Variants in ZFHX4 observed in about 807,000 individuals in gnomAD.
ZFHX4 encodes the protein zinc finger homeobox protein 4.
ZFHX4 carries 56 observed loss-of-function variants against 267.6 expected under a neutral mutation model. That is an observed-to-expected ratio of 0.21 (90% CI 0.17 to 0.26). The LOEUF (loss-of-function observed/expected upper bound fraction) is 0.26. Among genes scored for constraint, ZFHX4 ranks in the 10% least tolerant of loss-of-function variants. ZFHX4 has a pLI of 1.00. For synonymous variants in ZFHX4, 1,778 were observed against 1,665.6 expected (o/e 1.07, Z -1.64); for missense variants, 4,332 against 4,420.0 (o/e 0.98, Z 0.56).
intron 3 of ZFHX4, among the ~76,000 whole-genome samples, chr8:76,725,812 C>T (rs1808836833): frequency 6.6e-6 from 1 of 152,106 alleles, no homozygotes; most frequent in African/African-American, 2.4e-5. Context: ...ACAAATATAT[C>T]ATCCTCCTGT....
intron 10 of ZFHX4, among the ~76,000 whole-genome samples, chr8:76,858,726 C>A (rs1458280059): frequency 6.6e-6 from 1 of 152,162 alleles, no homozygotes; most frequent in Non-Finnish European, 1.5e-5. Flanking sequence ...CAATTATCTT[C>A]TTTGCTTAAT....
Position 76,855,633 on chromosome 8 carries a change from A to G in ZFHX4, c.8712A>G (p.Ile2904Met), listed in dbSNP as rs775264612. The change falls in exon 10 of 11, where the codon ATA becomes ATG. Residue 2904 changes from isoleucine (I) to methionine (M), a missense_variant. Around this residue, in one of 7 missense-constraint regions of ZFHX4, gnomAD observed 1,648 missense variants for 1,625.0 expected, o/e 1.01. Transcript: ENST00000651372. Reference sequence around the variant, plus strand: ...CCGACCGCAGCGAAACGTCCAGCATAGCGGACCCGAGCTCCCCAAATCCAT... The same window carrying G: ...CCGACCGCAGCGAAACGTCCAGCATGGCGGACCCGAGCTCCCCAAATCCAT... ...DNADRSETSS[I>M]ADPSSPNPFG... 18 of 1,613,778 alleles carry G rather than the reference A, an allele frequency of 1.1e-5. No homozygotes were observed. Among genetic ancestry groups the G allele is most frequent in the East Asian group, 1.1e-4 (5 of 44,854 alleles).
At chr8:76,831,920 G>A (rs1811942670) in intron 4 of ZFHX4, among the ~76,000 whole-genome samples, 1 of 151,088 alleles carries the variant, frequency 6.6e-6, no homozygotes, top group Non-Finnish European at 1.5e-5. Context: ...TGATTTATTT[G>A]GAAGCTACTT....
At chr8:76,685,725 T>C (rs749771129) in intron 1 of ZFHX4, among the ~76,000 whole-genome samples, 1 of 152,186 alleles carries the variant, frequency 6.6e-6, no homozygotes, top group Non-Finnish European at 1.5e-5. Flanking sequence ...GTGAAAGTAT[T>C]GGGGCAGAGG....
At chr8:76,821,129 C>T (rs1811637932) in intron 4 of ZFHX4, among the ~76,000 whole-genome samples, 1 of 152,120 alleles carries the variant, frequency 6.6e-6, no homozygotes, top group Admixed American at 6.6e-5. Flanking sequence ...ACATCTACAC[C>T]TAGGTCCATC....
At chr8:76,754,447 C>T (rs1162532820) in intron 3 of ZFHX4, among the ~76,000 whole-genome samples, 1 of 152,012 alleles carries the variant, frequency 6.6e-6, no homozygotes, top group Non-Finnish European at 1.5e-5. Context: ...CCAGATTGCG[C>T]CACTGCACTC....
intron 4 of ZFHX4, among the ~76,000 whole-genome samples, chr8:76,820,533 G>A (rs1811621655): frequency 6.6e-6 from 1 of 152,154 alleles, no homozygotes; most frequent in African/African-American, 2.4e-5. Flanking sequence ...AATTTAATGG[G>A]TGTGTGGAAA....
chr8:76,855,333 A>T lies in ZFHX4; in HGVS notation c.8412A>T (p.Ser2804=), dbSNP rs753127565. The T allele has an allele frequency of 1.9e-6, 3 of 1,613,660 alleles. No individual in the cohort carries two copies. The African/African-American group carries it at 4.0e-5, about 22-fold the overall frequency. The change falls in exon 10 of 11, where the codon TCA becomes TCT. Residue 2804 remains serine (S), a synonymous_variant. Transcript: ENST00000651372. Reference sequence around the variant, plus strand: ...ATAAAACCGATTTTGATGAGACTTCATCGATTAATACGGCAATCAGTGACG... The same window carrying T: ...ATAAAACCGATTTTGATGAGACTTCTTCGATTAATACGGCAATCAGTGACG... ...DQNKTDFDET[S]SINTAISDAT... is the part of the protein sequence containing the mutation.
Position 76,855,094 on chromosome 8 carries a change from C to A in ZFHX4, c.8173C>A (p.Gln2725Lys), listed in dbSNP as rs1434411524. The A allele has an allele frequency of 1.9e-6, 3 of 1,613,838 alleles. No individual in the cohort carries two copies. The highest frequency in any genetic ancestry group is 1.7e-6 in the Non-Finnish European group (2 of 1,179,818). ...CACCGAAGATGGGGGAGAAAGCCCA[C>A]AGAAATACATCTATTTTGATTACCC... ...ISTEDGGESP[Q>K]KYIYFDYPSL... The change falls in exon 10 of 11, where the codon CAG becomes AAG. Residue 2725 changes from glutamine (Q) to lysine (K), a missense_variant. By Grantham distance (53) the Gln-to-Lys change is moderately conservative (BLOSUM62 1). Coordinates refer to ENST00000651372, the MANE Select transcript of ZFHX4 (RefSeq NM_024721.5).
chr8:76,850,971 G>A lies in ZFHX4; in HGVS notation c.4050G>A (p.Pro1350=), dbSNP rs749725605. ...AAGTAAAGAATGAGGAGCAGAAACC[G>A]ACTAAAGAACCCTTGGAAGTCTCAG... ...NVEVKNEEQK[P]TKEPLEVSEW... is the part of the protein sequence containing the mutation. Residue 1350 remains proline (P), a synonymous_variant, in exon 10 of 11, where the codon CCG becomes CCA. Coordinates refer to ENST00000651372, the MANE Select transcript of ZFHX4 (RefSeq NM_024721.5). 34 of 1,613,566 alleles carry A rather than the reference G, an allele frequency of 2.1e-5. No individual in the cohort carries two copies. The East Asian group carries it at 3.6e-4, about 17-fold the overall frequency.
chr8:76,850,434 A>T (rs1812484388), intron 9 of ZFHX4, 72 bp downstream of exon 9: 4 of 1,212,152 alleles, frequency 3.3e-6, no homozygotes, highest in Middle Eastern at 2.0e-4. Flanking sequence ...GTGCCCAAAG[A>T]TTATTACTAT....
intron 1 of ZFHX4, among the ~76,000 whole-genome samples, chr8:76,701,533 T>C (rs1385757710): frequency 6.6e-6 from 1 of 152,144 alleles, no homozygotes; most frequent in Non-Finnish European, 1.5e-5. Flanking sequence ...AAAGATCGGA[T>C]CTACTTTATG....
intron 3 of ZFHX4, among the ~76,000 whole-genome samples, chr8:76,729,495 A>G (rs1000056715): frequency 1.3e-5 from 2 of 152,142 alleles, no homozygotes; most frequent in East Asian, 1.9e-4. Context: ...TCTAATTTTC[A>G]TGGTTTTAGA....
intron 10 of ZFHX4, among the ~76,000 whole-genome samples, chr8:76,859,527 TA>T (rs976954375): frequency 4.6e-5 from 7 of 152,106 alleles, no homozygotes; most frequent in African/African-American, 1.7e-4. Context: ...TCAAAGTGAA[TA>T]AAAAAATTAT....
intron 4 of ZFHX4, among the ~76,000 whole-genome samples, chr8:76,801,059 C>T (rs1017281129): frequency 2.0e-5 from 3 of 152,022 alleles, no homozygotes; most frequent in Non-Finnish European, 2.9e-5. Context: ...AAGCAGTTTC[C>T]GATGGCCAAA....
chr8:76,747,256 A>C (rs1356529097), intron 3 of ZFHX4, among the ~76,000 whole-genome samples: 1 of 152,162 alleles, frequency 6.6e-6, no homozygotes, highest in Non-Finnish European at 1.5e-5. Flanking sequence ...ATGCTCTATT[A>C]AGCTCGATTT....
intron 4 of ZFHX4, among the ~76,000 whole-genome samples, chr8:76,790,137 A>C (rs1456622715): frequency 6.6e-6 from 1 of 152,150 alleles, no homozygotes; most frequent in Non-Finnish European, 1.5e-5. Context: ...TTTATGTATA[A>C]TTAAGTGGTT....
Position 76,849,598 on chromosome 8 carries a change from G to A in ZFHX4, c.3732G>A (p.Pro1244=), listed in dbSNP as rs79691445. 1,545 of 1,613,816 alleles carry A rather than the reference G, an allele frequency of 9.6e-4. 13 individuals are homozygous for A. The African/African-American group carries it at 0.018, about 18-fold the overall frequency. The change falls in exon 8 of 11, where the codon CCG becomes CCA. Residue 1244 remains proline (P), a synonymous_variant. Transcript: ENST00000651372. The stretch of plus-strand genomic sequence containing the variant: ...TCCTATCACAGCACTCGGTGCAGCC[G>A]GTCATCTGCTGTCCTCTCTGTCAGG... ...MHVLSQHSVQ[P]VICCPLCQDV...
At chr8:76,773,400 C>G (rs1810319045) in intron 3 of ZFHX4, among the ~76,000 whole-genome samples, 1 of 152,058 alleles carries the variant, frequency 6.6e-6, no homozygotes, top group African/African-American at 2.4e-5. Context: ...TTAATATAAT[C>G]TTCATTACCA....
Sources: allele counts gnomAD v4.1 joint callset (sites outside exome capture counted in the v4.1 genomes callset), GRCh38; gene constraint gnomAD v4.1.1; regional missense constraint gnomAD v4.1.1; transcripts MANE v1.5; gene names NCBI Gene and HGNC (gene_info 2026-07-23, HGNC 2026-07-21).